ADPGK: variants seen among roughly 807,000 people sequenced by gnomAD.
The protein encoded by ADPGK is ADP-dependent glucokinase.
A neutral mutation model predicts 42.4 loss-of-function variants in ADPGK; 26 were observed. The observed-to-expected ratio is 0.61, with a 90% CI of 0.45 to 0.85. The LOEUF (loss-of-function observed/expected upper bound fraction) is 0.85. Among genes scored for constraint, ADPGK ranks in the 40% least tolerant of loss-of-function variants. ADPGK has a pLI of 0.00. For synonymous variants in ADPGK, 267 were observed against 252.6 expected (o/e 1.06, Z -0.54); for missense variants, 571 against 627.0 (o/e 0.91, Z 0.95).
At chr15:72,762,807 C>T (rs916272187) in intron 3 of ADPGK, among the ~76,000 whole-genome samples, 5 of 152,048 alleles carry the variant, frequency 3.3e-5, no homozygotes, top group Admixed American at 6.6e-5. Context: ...CATGGTGAAA[C>T]CCTATCTCTA....
intron 3 of ADPGK, among the ~76,000 whole-genome samples, chr15:72,770,962 G>A (rs1260375220): frequency 2.6e-5 from 4 of 152,060 alleles, no homozygotes; most frequent in Non-Finnish European, 4.4e-5. Context: ...TAGTGTTAGC[G>A]GCCACAACCA....
At chr15:72,776,225 T>G (rs964416736) in intron 1 of ADPGK, among the ~76,000 whole-genome samples, 2 of 152,222 alleles carry the variant, frequency 1.3e-5, no homozygotes, top group Non-Finnish European at 2.9e-5. Context: ...GTTTCTTTGC[T>G]AAGTCATCCC....
At chr15:72,775,974 C>T (rs1471734445) in intron 1 of ADPGK, among the ~76,000 whole-genome samples, 2 of 152,214 alleles carry the variant, frequency 1.3e-5, no homozygotes, top group African/African-American at 4.8e-5. Flanking sequence ...ATACTTTATA[C>T]ATACAGCCTG....
chr15:72,752,757 A>G lies in ADPGK; in HGVS notation c.1078T>C (p.Phe360Leu). 1 of 1,614,254 alleles carries G rather than the reference A, an allele frequency of 6.2e-7. No homozygotes were observed. The highest frequency in any genetic ancestry group is 8.5e-7 in the Non-Finnish European group (1 of 1,180,054). Residue 360 changes from phenylalanine to leucine, a missense_variant, in exon 7 of 7, where the codon TTC (phenylalanine) becomes CTC (leucine). Phe to Leu is a conservative substitution (Grantham distance 22). This residue lies in a region of ADPGK where 434 missense variants were observed against 522.7 expected (regional missense o/e 0.83). Transcript: ENST00000456471. ...CTCCCATGTTCTTTCAAGATCCAGA[A>G]GAGGATGTCACTGACCATGCCCACA... ...PDVGMVSDIL[F>L]WILKEHGRSK...
At chr15:72,781,569 G>A (rs768901305) in intron 1 of ADPGK, among the ~76,000 whole-genome samples, 1 of 152,182 alleles carries the variant, frequency 6.6e-6, no homozygotes, top group Non-Finnish European at 1.5e-5. Flanking sequence ...CATTCCAAAT[G>A]TTCTTTTCAC....
intron 4 of ADPGK, chr15:72,758,422 A>G: frequency 2.2e-6 from 1 of 461,652 alleles, no homozygotes; most frequent in South Asian, 2.4e-5. Flanking sequence ...CTGGTAAGAG[A>G]GAATGTGGAA....
intron 3 of ADPGK, among the ~76,000 whole-genome samples, chr15:72,767,542 T>A (rs768824650): frequency 7.9e-5 from 12 of 152,152 alleles, no homozygotes; most frequent in Non-Finnish European, 1.6e-4. Flanking sequence ...AGATAGAATA[T>A]TCTGCACCAT....
chr15:72,760,661 GA>G, intron 3 of ADPGK, 134 bp from the exon 4 acceptor site: 1 of 1,250,300 alleles, frequency 8.0e-7, no homozygotes, highest in East Asian at 2.7e-5. Flanking sequence ...ATCTAATTTT[GA>G]AAGCTGTTGG....
chr15:72,771,854 G>C lies in ADPGK; in HGVS notation c.460-9C>G, dbSNP rs751229870. ...TTTCCTCCTACATAGTGCTGTAAGAGAGTTCAAGGCTTTTAGACAGTATTT... is the reference window on the plus strand; with the variant it reads ...TTTCCTCCTACATAGTGCTGTAAGACAGTTCAAGGCTTTTAGACAGTATTT... On this transcript the variant is annotated splice_polypyrimidine_tract_variant and intron_variant, in intron 2 of 6. Coordinates refer to ENST00000456471, the MANE Select transcript of ADPGK (RefSeq NM_001365225.1). The C allele has an allele frequency of 3.1e-6, 5 of 1,608,008 alleles. No homozygotes were observed. The East Asian group carries it at 8.9e-5, about 29-fold the overall frequency.
At chr15:72,782,270 T>C (rs959966515) in intron 1 of ADPGK, among the ~76,000 whole-genome samples, 2 of 152,010 alleles carry the variant, frequency 1.3e-5, no homozygotes, top group African/African-American at 2.4e-5. Flanking sequence ...TCCCAGCACT[T>C]TGGGAGGCCA....
chr15:72,757,471 T>C (rs1017894030), intron 4 of ADPGK: 1 of 152,688 alleles, frequency 6.5e-6, no homozygotes, highest in African/African-American at 2.4e-5. Flanking sequence ...CCTCCCAAAG[T>C]GCTGGGATTA....
intron 1 of ADPGK, among the ~76,000 whole-genome samples, chr15:72,776,963 G>T (rs536788234): frequency 2.0e-5 from 3 of 152,116 alleles, no homozygotes; most frequent in Non-Finnish European, 4.4e-5. Context: ...TTTAAAAGAG[G>T]GATGATTTCT....
intron 1 of ADPGK, among the ~76,000 whole-genome samples, chr15:72,776,278 G>A (rs2066391130): frequency 6.6e-6 from 1 of 152,116 alleles, no homozygotes; most frequent in African/African-American, 2.4e-5. Flanking sequence ...AGCTAGATGA[G>A]GTCTTCCCGC....
rs931407314 is a variant in ADPGK, at chr15:72,774,183, T to G, written c.459+689A>C. 3.3e-5 allele frequency among the ~76,000 whole-genome samples: 5 copies of G among 152,300 alleles called. No homozygotes were observed. The Middle Eastern group carries it at 0.01, about 311-fold the overall frequency. On this transcript the variant is annotated intron_variant, in intron 2 of 6. Coordinates refer to ENST00000456471, the MANE Select transcript of ADPGK (RefSeq NM_001365225.1). ...TCAAAATAAAAGTAGTCACAAAGGTTTGCCTGTGAAAGGTGCCAATTAAAA... is the reference window on the plus strand; with the variant it reads ...TCAAAATAAAAGTAGTCACAAAGGTGTGCCTGTGAAAGGTGCCAATTAAAA...
intron 1 of ADPGK, among the ~76,000 whole-genome samples, chr15:72,777,772 A>G (rs2066407611): frequency 6.6e-6 from 1 of 152,168 alleles, no homozygotes; most frequent in Non-Finnish European, 1.5e-5. Context: ...TAAAATGAGA[A>G]TGGGGAAAGC....
chr15:72,779,241 A>AG (rs1461701995), intron 1 of ADPGK, among the ~76,000 whole-genome samples: 1 of 87,132 alleles, frequency 1.1e-5, no homozygotes, highest in Non-Finnish European at 2.3e-5. Context: ...TATTAGCATG[A>AG]GGGTTTTTTT....
intron 4 of ADPGK, chr15:72,757,963 T>C (rs2066138029): frequency 1.9e-6 from 2 of 1,064,266 alleles, no homozygotes; most frequent in Non-Finnish European, 1.4e-6. Context: ...GCAGAGCTGC[T>C]TGCTGTTTCC....
rs111810693 is a variant in ADPGK, at chr15:72,769,714, C to T, written c.522+2069G>A. On this transcript the variant is annotated intron_variant, in intron 3 of 6. Coordinates refer to ENST00000456471, the MANE Select transcript of ADPGK (RefSeq NM_001365225.1). ...AACCTGCCTTTACTATATTCACCAG[C>T]GTCTATTTCAAAGATGCAATATAGC... 4.7e-4 allele frequency among the ~76,000 whole-genome samples: 71 copies of T among 152,276 alleles called. 1 individual carries two copies. Among genetic ancestry groups the T allele is most frequent in the African/African-American group, 1.5e-3 (64 of 41,546 alleles).
rs1184138728 is a variant in ADPGK, at chr15:72,783,733, T to G, written c.-42A>C. On this transcript the variant is annotated 5_prime_UTR_variant, in exon 1 of 7. Coordinates refer to ENST00000456471, the MANE Select transcript of ADPGK (RefSeq NM_001365225.1). ...CACCTGCGCGAACCAACTCCTTTCC[T>G]AGCCCGCGCCTCTTCCGGGCTCGGC... is the stretch of plus-strand genomic sequence containing the variant. 31 of 1,409,446 alleles carry G rather than the reference T, an allele frequency of 2.2e-5. No homozygotes were observed. Among genetic ancestry groups the G allele is most frequent in the Non-Finnish European group, 2.7e-5 (29 of 1,084,328 alleles). The allele number at this position is 1,409,446 out of a possible 1,614,324, so 87.3% of individuals were successfully genotyped here. A position where few individuals can be genotyped will look rare whatever the true frequency, so the allele number is the denominator to read the frequency against.
Sources: allele counts gnomAD v4.1 joint callset (sites outside exome capture counted in the v4.1 genomes callset), GRCh38; gene constraint gnomAD v4.1.1; regional missense constraint gnomAD v4.1.1; transcripts MANE v1.5; gene names NCBI Gene and HGNC (gene_info 2026-07-23, HGNC 2026-07-21).